The following PTPRK variants were observed in gnomAD, a reference collection of about 807,000 sequenced individuals.
PTPRK encodes the protein protein tyrosine phosphatase receptor type K.
PTPRK carries 75 observed loss-of-function variants against 178.0 expected under a neutral mutation model. The ratio of observed to expected loss-of-function variants is 0.42; its 90% CI spans 0.35 to 0.51. PTPRK has a LOEUF of 0.51. Among genes scored for constraint, PTPRK ranks in the 20% least tolerant of loss-of-function variants. The probability of loss-of-function intolerance (pLI) is 0.02; values close to 1 mark genes in which losing one functional copy is unlikely to be tolerated. For synonymous variants in PTPRK, 637 were observed against 620.6 expected (o/e 1.03, Z -0.39); for missense variants, 1,441 against 1,797.8 (o/e 0.80, Z 3.59).
chr6:128,032,336 G>T (rs1775482576), intron 13 of PTPRK, among the ~76,000 whole-genome samples: 1 of 152,066 alleles, frequency 6.6e-6, no homozygotes, highest in South Asian at 2.1e-4. Context: ...CTGGCATCTG[G>T]TTGTGTGTGA....
intron 1 of PTPRK, among the ~76,000 whole-genome samples, chr6:128,517,163 G>C (rs10872331): frequency 0.13 from 20,133 of 151,718 alleles, 1,525 homozygotes; most frequent in African/African-American, 0.19. Context: ...AATTTGGAAG[G>C]AGTAAAAAGC....
At chr6:128,392,835 T>C (rs1434927068) in intron 2 of PTPRK, among the ~76,000 whole-genome samples, 1 of 152,140 alleles carries the variant, frequency 6.6e-6, no homozygotes, top group Non-Finnish European at 1.5e-5. Context: ...ATAGGTAATA[T>C]TTATAAAGAC....
chr6:128,228,687 C>T (rs1211932165), intron 5 of PTPRK, among the ~76,000 whole-genome samples: 2 of 146,274 alleles, frequency 1.4e-5, no homozygotes, highest in East Asian at 2.0e-4. Flanking sequence ...AAAACAACAA[C>T]AACAACAAAA....
chr6:128,425,806 C>G (rs1392050070), intron 1 of PTPRK, among the ~76,000 whole-genome samples: 1 of 152,214 alleles, frequency 6.6e-6, no homozygotes, highest in East Asian at 1.9e-4. Flanking sequence ...CTCTGACGTT[C>G]AGGCACTCTA....
At chr6:128,176,710 C>A (rs916152458) in intron 7 of PTPRK, among the ~76,000 whole-genome samples, 1 of 151,714 alleles carries the variant, frequency 6.6e-6, no homozygotes, top group Non-Finnish European at 1.5e-5. Flanking sequence ...GAAGAGTTAT[C>A]CTCCAGCAAT....
intron 6 of PTPRK, among the ~76,000 whole-genome samples, chr6:128,208,361 C>A (rs1460795059): frequency 6.6e-6 from 1 of 150,402 alleles, no homozygotes; most frequent in Admixed American, 6.6e-5. Context: ...GAAAAAGGTC[C>A]AGGAGCATTA....
intron 1 of PTPRK, among the ~76,000 whole-genome samples, chr6:128,440,606 T>A (rs912081047): frequency 7.2e-5 from 11 of 152,288 alleles, no homozygotes; most frequent in African/African-American, 2.6e-4. Context: ...TCTGTATGCG[T>A]GTGTGTATAT....
intron 1 of PTPRK, among the ~76,000 whole-genome samples, chr6:128,495,802 T>A (rs111567156): frequency 2.5e-3 from 375 of 152,332 alleles, no homozygotes; most frequent in African/African-American, 8.5e-3. Context: ...TTGGCCACTC[T>A]CACCAGACTC....
At chr6:128,159,577 G>A (rs1798396321) in intron 7 of PTPRK, among the ~76,000 whole-genome samples, 1 of 151,592 alleles carries the variant, frequency 6.6e-6, no homozygotes, top group Non-Finnish European at 1.5e-5. Flanking sequence ...GAATATTTTA[G>A]AAAGAATCAT....
intron 5 of PTPRK, among the ~76,000 whole-genome samples, chr6:128,225,536 A>G (rs1811143274): frequency 6.6e-6 from 1 of 152,332 alleles, no homozygotes; most frequent in Admixed American, 6.5e-5. Flanking sequence ...TCACAGGATG[A>G]TAAAGATACT....
intron 13 of PTPRK, among the ~76,000 whole-genome samples, chr6:128,014,855 A>G (rs1779430369): frequency 6.6e-6 from 1 of 151,632 alleles, no homozygotes; most frequent in Non-Finnish European, 1.5e-5. Context: ...TGATCTTATG[A>G]AACTTGCCCA....
chr6:128,062,093 A>T (rs968262707), intron 13 of PTPRK: 2 of 152,324 alleles, frequency 1.3e-5, no homozygotes, highest in Admixed American at 6.5e-5. Flanking sequence ...TTATTTTCAT[A>T]TTGAAAAATT....
chr6:128,139,167 G>A (rs1795423898), intron 7 of PTPRK, among the ~76,000 whole-genome samples: 1 of 152,012 alleles, frequency 6.6e-6, no homozygotes, highest in Admixed American at 6.6e-5. Context: ...TAGATGGACA[G>A]AGAACAACAA....
At chr6:128,049,184 T>C (rs992688618) in intron 13 of PTPRK, among the ~76,000 whole-genome samples, 2 of 152,204 alleles carry the variant, frequency 1.3e-5, no homozygotes, top group Non-Finnish European at 2.9e-5. Flanking sequence ...AATGTCAGGT[T>C]TTTTAAGAAA....
intron 13 of PTPRK, among the ~76,000 whole-genome samples, chr6:128,054,298 A>G (rs2114886952): frequency 6.6e-6 from 1 of 152,336 alleles, no homozygotes; most frequent in South Asian, 2.1e-4. Context: ...AGTAAGATTT[A>G]ATGTTACTTC....
intron 2 of PTPRK, among the ~76,000 whole-genome samples, chr6:128,335,444 A>G (rs893280424): frequency 2.3e-3 from 2 of 870 alleles, no homozygotes; most frequent in Non-Finnish European, 0.019. Flanking sequence ...ATGATAACAA[A>G]AAAAAAAAAA....
At chr6:127,989,135 G>A (rs183891295) in intron 21 of PTPRK, among the ~76,000 whole-genome samples, 2 of 152,084 alleles carry the variant, frequency 1.3e-5, no homozygotes, top group East Asian at 1.9e-4. Context: ...TTTTTGTTAT[G>A]TATTCAGGTT....
At chr6:128,065,218 T>C (rs529659211) in intron 12 of PTPRK, among the ~76,000 whole-genome samples, 1 of 152,274 alleles carries the variant, frequency 6.6e-6, no homozygotes, top group Admixed American at 6.5e-5. Context: ...ATCTGGATCC[T>C]AGCATGACTA....
At chr6:128,198,486 T>C (rs1258687410) in intron 6 of PTPRK, among the ~76,000 whole-genome samples, 2 of 151,940 alleles carry the variant, frequency 1.3e-5, no homozygotes, top group African/African-American at 4.8e-5. Context: ...GGTAGGGGGC[T>C]AGGGGAGGGA....
Sources: allele counts gnomAD v4.1 joint callset (sites outside exome capture counted in the v4.1 genomes callset), GRCh38; gene constraint gnomAD v4.1.1; transcripts MANE v1.5; gene names NCBI Gene and HGNC (gene_info 2026-07-23, HGNC 2026-07-21).